Variants in CERS6 observed in about 807,000 individuals in gnomAD.
CERS6 encodes the protein LAG1 homolog, ceramide synthase 6.
CERS6 carries 26 observed loss-of-function variants against 56.8 expected under a neutral mutation model. That is an observed-to-expected ratio of 0.46 (90% confidence interval 0.34 to 0.63). CERS6 has a LOEUF of 0.63. Among genes scored for constraint, CERS6 ranks in the 30% least tolerant of loss-of-function variants. The probability of loss-of-function intolerance (pLI) is 0.01; values close to 1 mark genes in which losing one functional copy is unlikely to be tolerated. For missense variants in CERS6, 415 were observed against 467.5 expected (o/e 0.89, Z 1.04); for synonymous variants, 164 against 173.3 (o/e 0.95, Z 0.42).
At chr2:168,752,279 ATGTGTGTGTGTGTGTG>A (rs397870530) in intron 8 of CERS6, among the ~76,000 whole-genome samples, 4 of 132,512 alleles carry the variant, frequency 3.0e-5, no homozygotes, top group African/African-American at 1.1e-4. Context: ...AAAAAAATAA[ATGTGTGTGTGTGTGTG>A]TGTGTGTGTG....
At chr2:168,722,934 A>G (rs1216341715) in intron 8 of CERS6, among the ~76,000 whole-genome samples, 1 of 151,250 alleles carries the variant, frequency 6.6e-6, no homozygotes, top group Non-Finnish European at 1.5e-5. Context: ...GTTCCAGCCA[A>G]TGCCTGGCCT....
intron 6 of CERS6, among the ~76,000 whole-genome samples, chr2:168,713,048 A>G (rs2105386474): frequency 6.6e-6 from 1 of 152,118 alleles, no homozygotes. Context: ...GTTCTCCCCT[A>G]CTAGATTATA....
intron 3 of CERS6, among the ~76,000 whole-genome samples, chr2:168,575,781 A>G (rs993362776): frequency 1.7e-4 from 26 of 152,062 alleles, no homozygotes; most frequent in Admixed American, 1.4e-3. Context: ...TTGTGCTGTC[A>G]GGTGGGGCTG....
rs182635620 is a variant in CERS6, at chr2:168,498,601, G to C, written c.170+41983G>C. 2.5e-3 allele frequency among the ~76,000 whole-genome samples: 379 copies of C among 152,300 alleles called. 1 individual carries two copies. The highest frequency in any genetic ancestry group is 4.1e-3 in the Non-Finnish European group (277 of 68,024). On this transcript the variant is annotated intron_variant, in intron 1 of 9. Coordinates refer to ENST00000305747, the MANE Select transcript of CERS6 (RefSeq NM_203463.3). ...GCAACATGTGTCCCACGTTCACCTG[G>C]GAGTGGAGACTTAACGTAAATATAT...
intron 4 of CERS6, chr2:168,644,280 A>T: frequency 1.0e-6 from 1 of 977,460 alleles, no homozygotes; most frequent in South Asian, 4.7e-5. Flanking sequence ...GCTTCAGCTC[A>T]GGAAGATGAA....
At chr2:168,587,772 T>G (rs1205961911) in intron 3 of CERS6, among the ~76,000 whole-genome samples, 2 of 151,628 alleles carry the variant, frequency 1.3e-5, no homozygotes, top group Non-Finnish European at 2.9e-5. Flanking sequence ...AGTAAGTTTT[T>G]AAAGAAGTTG....
chr2:168,551,532 G>A (rs1034115090), intron 2 of CERS6, among the ~76,000 whole-genome samples: 4 of 152,134 alleles, frequency 2.6e-5, no homozygotes, highest in Non-Finnish European at 5.9e-5. Context: ...GCGTTCATGA[G>A]GGTTAAATAA....
At chr2:168,473,878 T>G (rs2105327002) in intron 1 of CERS6, among the ~76,000 whole-genome samples, 1 of 152,302 alleles carries the variant, frequency 6.6e-6, no homozygotes, top group South Asian at 2.1e-4. Flanking sequence ...TGTATGTATA[T>G]GGAAAGATAA....
At chr2:168,656,233 A>G (rs550525266) in intron 4 of CERS6, among the ~76,000 whole-genome samples, 1 of 152,346 alleles carries the variant, frequency 6.6e-6, no homozygotes, top group East Asian at 1.9e-4. Context: ...ACTATCTAGA[A>G]GGGGCCTAAA....
chr2:168,551,397 C>T (rs1179780469), intron 2 of CERS6, among the ~76,000 whole-genome samples: 1 of 152,130 alleles, frequency 6.6e-6, no homozygotes, highest in Non-Finnish European at 1.5e-5. Context: ...GCCAGTTACA[C>T]CTGGATATTT....
intron 4 of CERS6, among the ~76,000 whole-genome samples, chr2:168,641,671 C>T (rs1454017823): frequency 2.0e-5 from 3 of 152,120 alleles, no homozygotes; most frequent in African/African-American, 4.8e-5. Flanking sequence ...CACCTTGTTT[C>T]GTCCCTGAGC....
intron 8 of CERS6, among the ~76,000 whole-genome samples, chr2:168,718,276 T>C (rs1244322935): frequency 6.6e-6 from 1 of 152,094 alleles, no homozygotes; most frequent in Non-Finnish European, 1.5e-5. Context: ...GCTGTGAAGG[T>C]TGGAATTAAG....
chr2:168,631,491 C>CTATTATATAAA (rs1684717556), intron 4 of CERS6, among the ~76,000 whole-genome samples: 1 of 69,606 alleles, frequency 1.4e-5, no homozygotes, highest in African/African-American at 5.1e-5. Flanking sequence ...AATATATAAA[C>CTATTATATAAA]TATATATTAA....
At chr2:168,662,922 G>A (rs1685667950) in intron 4 of CERS6, among the ~76,000 whole-genome samples, 1 of 152,152 alleles carries the variant, frequency 6.6e-6, no homozygotes, top group African/African-American at 2.4e-5. Context: ...GAGAAGTCAG[G>A]CATAACCAAA....
intron 2 of CERS6, among the ~76,000 whole-genome samples, chr2:168,558,833 C>T (rs1695733034): frequency 1.3e-5 from 2 of 152,172 alleles, no homozygotes; most frequent in Admixed American, 6.5e-5. Context: ...TGCACCACTG[C>T]ACTCCAGCCT....
At chr2:168,525,139 G>C (rs1695048833) in intron 1 of CERS6, among the ~76,000 whole-genome samples, 1 of 152,188 alleles carries the variant, frequency 6.6e-6, no homozygotes, top group Admixed American at 6.6e-5. Flanking sequence ...CTGCTTTAGA[G>C]AATTCCTTCA....
At chr2:168,677,041 T>C (rs1686080720) in intron 4 of CERS6, among the ~76,000 whole-genome samples, 1 of 151,118 alleles carries the variant, frequency 6.6e-6, no homozygotes, top group African/African-American at 2.4e-5. Context: ...TAATTATACT[T>C]TAAGTTCTGG....
rs1020813512 is a variant in CERS6 at position 168,770,420 on chromosome 2, G to C, written c.*758G>C. 1.3e-5 allele frequency: 2 copies of C among 152,362 alleles called. No homozygotes were observed. Among genetic ancestry groups the C allele is most frequent in the South Asian group, 2.1e-4 (1 of 4,830 alleles). 9.4% of individuals were successfully genotyped at this position (152,362 alleles called of 1,614,324 possible). ...TTTGTTTGTTTTTCTCTGTGATGAGGTCAGTGCTCTGATTTTGAAGGAGGA... is the reference window on the plus strand; with the variant it reads ...TTTGTTTGTTTTTCTCTGTGATGAGCTCAGTGCTCTGATTTTGAAGGAGGA... On this transcript the variant is annotated 3_prime_UTR_variant, in exon 10 of 10. Transcript: ENST00000305747.
Position 168,729,216 on chromosome 2 carries a change from T to C in CERS6, c.845+11238T>C, listed in dbSNP as rs578165176. Among the ~76,000 whole-genome samples, 3 of 152,302 alleles carry C rather than the reference T, an allele frequency of 2.0e-5. No homozygotes were observed. The South Asian group carries it at 6.2e-4, about 32-fold the overall frequency. On this transcript the variant is annotated intron_variant, in intron 8 of 9. Coordinates refer to ENST00000305747, the MANE Select transcript of CERS6 (RefSeq NM_203463.3). The stretch of plus-strand genomic sequence containing the variant: ...ATGACCATTTCATCTGTTTTAAAAA[T>C]ATCTGAGTGTCGTAATAAAGTCTCA...
Sources: gnomAD v4.1 joint callset for allele counts (sites outside exome capture counted in the v4.1 genomes callset) on GRCh38, gnomAD v4.1.1 for gene constraint, MANE v1.5 for transcripts, NCBI Gene and HGNC (gene_info 2026-07-23, HGNC 2026-07-21) for gene names.